Variants in IPO11 observed in about 807,000 individuals in gnomAD.
IPO11 encodes importin-11.
A neutral mutation model predicts 143.2 loss-of-function variants in IPO11; 66 were observed. The ratio of observed to expected loss-of-function variants is 0.46; its 90% CI spans 0.38 to 0.57. The LOEUF (loss-of-function observed/expected upper bound fraction) is 0.57, where lower values mean the gene tolerates loss of function less well. Ranked by LOEUF, IPO11 falls within the 20% of genes least tolerant of loss-of-function variation. The pLI is 0.00. For synonymous variants in IPO11, 385 were observed against 377.8 expected, an observed-to-expected ratio of 1.02 and a Z score of -0.22; for missense variants, 1,026 against 1,141.0, an observed-to-expected ratio of 0.90 and a Z score of 1.45.
At chr5:62,457,473 CTA>C (rs1191755892) in intron 5 of IPO11, among the ~76,000 whole-genome samples, 2 of 152,034 alleles carry the variant, frequency 1.3e-5, no homozygotes, top group Admixed American at 1.3e-4. Context: ...GACCATGTGT[CTA>C]AAACATAATA....
chr5:62,504,042 C>T (rs199834248), intron 16 of IPO11, among the ~76,000 whole-genome samples: 11 of 152,036 alleles, frequency 7.2e-5, no homozygotes, highest in African/African-American at 1.4e-4. Flanking sequence ...ATTAAGTCTG[C>T]GATAACACTT....
chr5:62,513,896 C>A (rs1580269724), intron 19 of IPO11, among the ~76,000 whole-genome samples: 1 of 150,228 alleles, frequency 6.7e-6, no homozygotes, highest in African/African-American at 2.5e-5. Context: ...GGCAGAGACG[C>A]TCCTCACCTC....
At chr5:62,430,713 C>A in intron 1 of IPO11, among the ~76,000 whole-genome samples, 1 of 142,686 alleles carries the variant, frequency 7.0e-6, no homozygotes, top group African/African-American at 2.6e-5. Context: ...GAGCCTTGTT[C>A]TGTCGCGAGG....
At chr5:62,513,211 G>A (rs1741833019) in intron 19 of IPO11, among the ~76,000 whole-genome samples, 1 of 151,862 alleles carries the variant, frequency 6.6e-6, no homozygotes. Context: ...GCCAGGCGGG[G>A]CGCTGACCCC....
At chr5:62,507,617 T>C (rs970718215) in intron 19 of IPO11, among the ~76,000 whole-genome samples, 23 of 152,320 alleles carry the variant, frequency 1.5e-4, no homozygotes, top group African/African-American at 5.5e-4. Context: ...TACTATAAAG[T>C]TGCAATAAAT....
chr5:62,563,838 G>A lies in IPO11; in HGVS notation c.2582+2581G>A, dbSNP rs554372700. Among the ~76,000 whole-genome samples the A allele has an allele frequency of 5.5e-4, 84 of 152,184 alleles. 1 individual carries two copies. Among genetic ancestry groups the A allele is most frequent in the Non-Finnish European group, 9.7e-4 (66 of 67,998 alleles). On this transcript the variant is annotated intron_variant, in intron 27 of 29. Coordinates refer to ENST00000325324, the MANE Select transcript of IPO11 (RefSeq NM_016338.5). ...TTGGATTAGGGATGCTCAATCTATC[G>A]TTGGCATCTATAAGAAAAATTAATA...
intron 27 of IPO11, chr5:62,580,195 AATCTGGAAT>A: frequency 6.4e-7 from 1 of 1,551,242 alleles, no homozygotes; most frequent in Non-Finnish European, 8.7e-7. Context: ...AGGACTTGCC[AATCTGGAAT>A]ACCTCCTCCT....
intron 20 of IPO11, among the ~76,000 whole-genome samples, chr5:62,522,372 C>A (rs543416190): frequency 6.6e-6 from 1 of 151,846 alleles, no homozygotes; most frequent in Non-Finnish European, 1.5e-5. Context: ...GCAACCTCCA[C>A]CTCCAGAGTT....
At chr5:62,435,898 G>A (rs1010349008) in intron 1 of IPO11, among the ~76,000 whole-genome samples, 1 of 151,766 alleles carries the variant, frequency 6.6e-6, no homozygotes, top group Non-Finnish European at 1.5e-5. Flanking sequence ...GCTTGGTGGT[G>A]TGCGCCTGTA....
chr5:62,499,527 A>C (rs191825698), intron 16 of IPO11, among the ~76,000 whole-genome samples: 54 of 151,048 alleles, frequency 3.6e-4, no homozygotes, highest in Admixed American at 1.4e-3. Flanking sequence ...ATATTGGGAA[A>C]TATTCTTTCT....
chr5:62,532,727 T>C (rs1742600725), intron 22 of IPO11, among the ~76,000 whole-genome samples: 1 of 152,200 alleles, frequency 6.6e-6, no homozygotes, highest in Non-Finnish European at 1.5e-5. Context: ...ATAAGGACTT[T>C]TATGTGTTTG....
At chr5:62,495,291 A>C (rs763955352) in intron 16 of IPO11, among the ~76,000 whole-genome samples, 7 of 152,238 alleles carry the variant, frequency 4.6e-5, no homozygotes, top group Non-Finnish European at 8.8e-5. Context: ...ATTTGCTAAA[A>C]TTAATTTTCT....
At chr5:62,425,420 C>T (rs992374532) in intron 1 of IPO11, among the ~76,000 whole-genome samples, 5 of 152,114 alleles carry the variant, frequency 3.3e-5, no homozygotes, top group Admixed American at 6.5e-5. Flanking sequence ...TGGGTTCAGG[C>T]GATTCTCCTG....
At chr5:62,567,407 C>A (rs1271594192) in intron 27 of IPO11, among the ~76,000 whole-genome samples, 1 of 150,920 alleles carries the variant, frequency 6.6e-6, no homozygotes, top group African/African-American at 2.4e-5. Flanking sequence ...GGTTGAATCT[C>A]CTTGGTGGTC....
chr5:62,559,253 A>G (rs147088226), intron 26 of IPO11, among the ~76,000 whole-genome samples: 8 of 152,254 alleles, frequency 5.3e-5, no homozygotes, highest in African/African-American at 1.7e-4. Context: ...CAGTTGTGAC[A>G]GAAATTCTAC....
intron 9 of IPO11, among the ~76,000 whole-genome samples, chr5:62,480,507 T>C (rs888789002): frequency 2.6e-5 from 4 of 152,194 alleles, no homozygotes; most frequent in African/African-American, 7.2e-5. Flanking sequence ...GGAGATGGCA[T>C]TGAATCTATC....
intron 19 of IPO11, among the ~76,000 whole-genome samples, chr5:62,507,065 G>A (rs1200992819): frequency 6.6e-6 from 1 of 152,168 alleles, no homozygotes; most frequent in African/African-American, 2.4e-5. Flanking sequence ...GATGAGAATA[G>A]CTATTAATTA....
chr5:62,558,925 T>C (rs538850390), intron 26 of IPO11, among the ~76,000 whole-genome samples: 2 of 152,302 alleles, frequency 1.3e-5, no homozygotes, highest in South Asian at 2.1e-4. Flanking sequence ...GTCATATACA[T>C]TTTTTGGCTT....
At chr5:62,509,168 T>C (rs1355640680) in intron 19 of IPO11, among the ~76,000 whole-genome samples, 2 of 152,190 alleles carry the variant, frequency 1.3e-5, no homozygotes, top group Non-Finnish European at 2.9e-5. Flanking sequence ...TATAAATATA[T>C]AGTCAAAATA....
Sources: allele counts gnomAD v4.1 joint callset (sites outside exome capture counted in the v4.1 genomes callset), GRCh38; gene constraint gnomAD v4.1.1; transcripts MANE v1.5; gene names NCBI Gene and HGNC (gene_info 2026-07-23, HGNC 2026-07-21).